Variants in SHC3 observed in about 807,000 individuals in gnomAD.
SHC3 encodes the protein SHC adaptor protein 3, also known as SHC-transforming protein 3.
Under a neutral mutation model 60.4 loss-of-function variants are expected in SHC3, and 15 were observed. The ratio of observed to expected loss-of-function variants is 0.25; its 90% CI spans 0.17 to 0.38. The LOEUF is 0.38. Among genes scored for constraint, SHC3 ranks in the 10% least tolerant of loss-of-function variants. The pLI is 1.00. For synonymous variants in SHC3, 294 were observed against 325.9 expected, an observed-to-expected ratio of 0.90 and a Z score of 1.05; for missense variants, 677 against 786.1, an observed-to-expected ratio of 0.86 and a Z score of 1.66.
intron 1 of SHC3, among the ~76,000 whole-genome samples, chr9:89,116,956 A>C (rs1826027628): frequency 6.6e-6 from 1 of 152,228 alleles, no homozygotes; most frequent in Admixed American, 6.5e-5. Flanking sequence ...GACCATAATC[A>C]GCATCACAGA....
chr9:89,124,734 C>T (rs1826140130), intron 1 of SHC3, among the ~76,000 whole-genome samples: 1 of 151,976 alleles, frequency 6.6e-6, no homozygotes, highest in African/African-American at 2.4e-5. Context: ...ATACCTAATG[C>T]ACACGGGGCT....
intron 7 of SHC3, among the ~76,000 whole-genome samples, chr9:89,049,547 G>T (rs1824828842): frequency 6.6e-6 from 1 of 152,162 alleles, no homozygotes; most frequent in African/African-American, 2.4e-5. Context: ...ACAAAGGCTA[G>T]CATAATAATT....
intron 2 of SHC3, among the ~76,000 whole-genome samples, chr9:89,088,416 T>C (rs1397197539): frequency 6.6e-6 from 1 of 152,182 alleles, no homozygotes; most frequent in Non-Finnish European, 1.5e-5. Flanking sequence ...CCCAATGACC[T>C]TGAACACATA....
chr9:89,046,945 C>T lies in SHC3; in HGVS notation c.1012G>A (p.Asp338Asn). The T allele has an allele frequency of 6.2e-7, 1 of 1,610,506 alleles. No individual in the cohort carries two copies. The highest frequency in any genetic ancestry group is 8.5e-7 in the Non-Finnish European group (1 of 1,178,448). ...GGGATGCTGTTGTAGTATGGGTGGTCTGAGCCATCTCCCTCCTCTTCCGTC... is the reference window on the plus strand; with the variant it reads ...GGGATGCTGTTGTAGTATGGGTGGTTTGAGCCATCTCCCTCCTCTTCCGTC... Reference protein sequence around the residue: ...PWTEEEGDGSDHPYYNSIPSK... With the variant: ...PWTEEEGDGSNHPYYNSIPSK... Residue 338 changes from aspartate to asparagine, a missense_variant, in exon 8 of 12, where the codon GAC becomes AAC. Physicochemically the swap from Asp to Asn is conservative, Grantham distance 23. Coordinates refer to ENST00000375835, the MANE Select transcript of SHC3 (RefSeq NM_016848.6).
chr9:89,081,934 T>C (rs1587716288), intron 2 of SHC3, among the ~76,000 whole-genome samples: 1 of 151,782 alleles, frequency 6.6e-6, no homozygotes, highest in South Asian at 2.1e-4. Flanking sequence ...CTGCAGGGGG[T>C]GGATACAGAG....
At chr9:89,142,673 CAAA>C (rs769333860) in intron 1 of SHC3, among the ~76,000 whole-genome samples, 78 of 83,698 alleles carry the variant, frequency 9.3e-4, no homozygotes, top group Non-Finnish European at 1.4e-3. Context: ...GAGACTCTGT[CAAA>C]AAAAAAAAAA....
intron 1 of SHC3, among the ~76,000 whole-genome samples, chr9:89,121,725 A>G (rs1301032633): frequency 6.6e-6 from 1 of 152,244 alleles, no homozygotes; most frequent in Non-Finnish European, 1.5e-5. Context: ...TATACAATTT[A>G]TACTTCCAGT....
At chr9:89,017,026 T>C (rs1435744192) in intron 11 of SHC3, among the ~76,000 whole-genome samples, 1 of 152,230 alleles carries the variant, frequency 6.6e-6, no homozygotes, top group Non-Finnish European at 1.5e-5. Flanking sequence ...ACACATTCCA[T>C]GCTCATGGAT....
intron 1 of SHC3, among the ~76,000 whole-genome samples, chr9:89,121,790 T>C (rs1415783812): frequency 1.3e-5 from 2 of 152,210 alleles, no homozygotes; most frequent in African/African-American, 2.4e-5. Flanking sequence ...AAACAAATAA[T>C]GCTAACAATT....
intron 1 of SHC3, among the ~76,000 whole-genome samples, chr9:89,163,988 C>G (rs992825181): frequency 7.9e-5 from 12 of 152,176 alleles, no homozygotes; most frequent in African/African-American, 2.6e-4. Context: ...GAGAGCTCCA[C>G]CCCTATGACC....
chr9:89,154,698 C>T (rs913744015), intron 1 of SHC3, among the ~76,000 whole-genome samples: 1 of 152,146 alleles, frequency 6.6e-6, no homozygotes, highest in Non-Finnish European at 1.5e-5. Context: ...AGACCTAGAA[C>T]GCCTTTGTAA....
chr9:89,112,721 T>A (rs1825968170), intron 1 of SHC3, 95 bp from the exon 2 acceptor site: 3 of 1,053,666 alleles, frequency 2.8e-6, no homozygotes, highest in Non-Finnish European at 2.7e-6. Context: ...GCCATACACA[T>A]TTCTTAAATC....
chr9:89,085,013 T>C (rs1391047707), intron 2 of SHC3, among the ~76,000 whole-genome samples: 3 of 152,250 alleles, frequency 2.0e-5, no homozygotes, highest in African/African-American at 7.2e-5. Flanking sequence ...TTGGGAAAGA[T>C]GCATTTTGTG....
chr9:89,113,365 T>G (rs1344199986), intron 1 of SHC3, among the ~76,000 whole-genome samples: 4 of 152,108 alleles, frequency 2.6e-5, no homozygotes, highest in Non-Finnish European at 4.4e-5. Flanking sequence ...ATACAGATGT[T>G]TTAGATAAAT....
At chr9:89,056,709 A>G (rs1564106052) in intron 6 of SHC3, among the ~76,000 whole-genome samples, 1 of 152,252 alleles carries the variant, frequency 6.6e-6, no homozygotes, top group Admixed American at 6.5e-5. Flanking sequence ...CTGTGCAGCC[A>G]TCCTGCCCTT....
intron 1 of SHC3, among the ~76,000 whole-genome samples, chr9:89,162,573 G>C (rs1424728184): frequency 1.3e-5 from 2 of 151,868 alleles, no homozygotes; most frequent in Non-Finnish European, 2.9e-5. Context: ...CCTTCCTTAC[G>C]CCTTATACAA....
intron 10 of SHC3, 81 bp downstream of exon 10, chr9:89,041,945 T>C (rs748550666): frequency 2.6e-6 from 4 of 1,544,802 alleles, no homozygotes; most frequent in Admixed American, 1.9e-5. Context: ...GAAAATTCAG[T>C]AATTACACAG....
At chr9:89,154,960 C>G (rs1826600934) in intron 1 of SHC3, among the ~76,000 whole-genome samples, 1 of 152,242 alleles carries the variant, frequency 6.6e-6, no homozygotes, top group African/African-American at 2.4e-5. Flanking sequence ...TAAAACTAAG[C>G]AGCCATCTTC....
chr9:89,035,863 G>GA (rs59148443), intron 11 of SHC3, among the ~76,000 whole-genome samples: 33,335 of 109,856 alleles, frequency 0.3, 6,688 homozygotes, highest in East Asian at 0.91. Context: ...GTGTGTGTGT[G>GA]TGTGTGTGTG....
Sources: gnomAD v4.1 joint callset for allele counts (sites outside exome capture counted in the v4.1 genomes callset) on GRCh38, gnomAD v4.1.1 for gene constraint, MANE v1.5 for transcripts, NCBI Gene and HGNC (gene_info 2026-07-23, HGNC 2026-07-21) for gene names.